The following COX16 variants were observed in gnomAD, a reference collection of about 807,000 sequenced individuals.
COX16 encodes the protein cytochrome c oxidase assembly factor COX16.
Under a neutral mutation model 15.4 loss-of-function variants are expected in COX16, and 12 were observed. That is an observed-to-expected ratio of 0.78 (90% confidence interval 0.50 to 1.26). The LOEUF (loss-of-function observed/expected upper bound fraction) is 1.26. Among genes scored for constraint, COX16 ranks in the 50% most tolerant of loss-of-function variants. The pLI, the probability that COX16 is intolerant of heterozygous loss-of-function variation, is 0.00. For missense variants in COX16, 124 were observed against 127.6 expected (o/e 0.97, Z 0.14); for synonymous variants, 46 against 41.1 (o/e 1.12, Z -0.46).
At chr14:70,344,994 CT>C (rs1301613094) in intron 1 of COX16, among the ~76,000 whole-genome samples, 2 of 150,822 alleles carry the variant, frequency 1.3e-5, no homozygotes, top group Non-Finnish European at 2.9e-5. Flanking sequence ...CTCATGTTGT[CT>C]GTTGGTGCGC....
At chr14:70,345,761 A>G (rs1322159299) in intron 1 of COX16, among the ~76,000 whole-genome samples, 2 of 151,574 alleles carry the variant, frequency 1.3e-5, no homozygotes, top group Admixed American at 6.6e-5. Context: ...TACCTGTTCA[A>G]ATCCTTCCCC....
intron 1 of COX16, among the ~76,000 whole-genome samples, chr14:70,343,474 C>T (rs1428277828): frequency 6.6e-6 from 1 of 152,052 alleles, no homozygotes; most frequent in Admixed American, 6.6e-5. Flanking sequence ...CCATTTTTTC[C>T]TTCAAGACCA....
At chr14:70,358,342 T>C (rs1432663214) in intron 1 of COX16, among the ~76,000 whole-genome samples, 1 of 151,124 alleles carries the variant, frequency 6.6e-6, no homozygotes, top group Non-Finnish European at 1.5e-5. Context: ...TATATTAGTA[T>C]ACTAATATCG....
chr14:70,348,853 G>A (rs1406735170), intron 1 of COX16, among the ~76,000 whole-genome samples: 1 of 152,150 alleles, frequency 6.6e-6, no homozygotes, highest in African/African-American at 2.4e-5. Context: ...TTCATTGCAG[G>A]GGCCACCAAA....
chr14:70,347,943 G>A (rs535962722), intron 1 of COX16, among the ~76,000 whole-genome samples: 3 of 152,158 alleles, frequency 2.0e-5, no homozygotes, highest in African/African-American at 7.2e-5. Flanking sequence ...TTCAAACCCT[G>A]CATAGCCTAT....
At chr14:70,336,486 T>C (rs1886459838) in intron 2 of COX16, among the ~76,000 whole-genome samples, 1 of 152,194 alleles carries the variant, frequency 6.6e-6, no homozygotes, top group South Asian at 2.1e-4. Context: ...GGTTTCTGTA[T>C]TGTGTTTCAC....
At chr14:70,345,290 G>A (rs988426487) in intron 1 of COX16, among the ~76,000 whole-genome samples, 7 of 152,306 alleles carry the variant, frequency 4.6e-5, no homozygotes, top group South Asian at 2.1e-4. Flanking sequence ...AGAAGGCGCC[G>A]GCGTGTGCCA....
At chr14:70,330,439 A>G (rs1886246385) in intron 2 of COX16, among the ~76,000 whole-genome samples, 1 of 151,142 alleles carries the variant, frequency 6.6e-6, no homozygotes, top group African/African-American at 2.5e-5. Context: ...GAATTCTCCC[A>G]AGGAAGAAAT....
intron 1 of COX16, among the ~76,000 whole-genome samples, chr14:70,356,592 T>C (rs1463104065): frequency 6.6e-6 from 1 of 152,090 alleles, no homozygotes; most frequent in African/African-American, 2.4e-5. Flanking sequence ...CTGACAAAGA[T>C]GACGAAGACC....
intron 1 of COX16, among the ~76,000 whole-genome samples, chr14:70,343,625 A>G (rs1405781496): frequency 6.6e-6 from 1 of 152,244 alleles, no homozygotes; most frequent in Admixed American, 6.5e-5. Flanking sequence ...ATATGGCTAT[A>G]CAGGTCACAG....
chr14:70,329,381 TA>T (rs1886205916), intron 2 of COX16, 145 bp from the exon 3 acceptor site: 1 of 599,814 alleles, frequency 1.7e-6, no homozygotes, highest in Non-Finnish European at 2.8e-6. Flanking sequence ...TCTGATCACA[TA>T]ATGATAACTA....
At chr14:70,329,029 CTTT>C (rs1274684571) in intron 3 of COX16, 142 bp downstream of exon 3, 5 of 614,086 alleles carry the variant, frequency 8.1e-6, no homozygotes, top group Non-Finnish European at 2.4e-6. Flanking sequence ...ATGGATCCAT[CTTT>C]TTATTTGCTT....
At chr14:70,354,841 CGTGT>C (rs55646280) in intron 1 of COX16, among the ~76,000 whole-genome samples, 10 of 148,982 alleles carry the variant, frequency 6.7e-5, no homozygotes, top group African/African-American at 1.2e-4. Flanking sequence ...TGTGTGTGTG[CGTGT>C]GTGTGTGTGT....
intron 1 of COX16, among the ~76,000 whole-genome samples, chr14:70,344,032 G>A (rs1367072870): frequency 6.6e-6 from 1 of 152,188 alleles, no homozygotes; most frequent in African/African-American, 2.4e-5. Flanking sequence ...GGGGCAAAGT[G>A]AGCTTTCCTT....
chr14:70,352,922 C>T (rs1327940259), intron 1 of COX16, among the ~76,000 whole-genome samples: 1 of 152,092 alleles, frequency 6.6e-6, no homozygotes, highest in East Asian at 1.9e-4. Flanking sequence ...CCACACTTCT[C>T]AGTATGTGGT....
chr14:70,336,251 G>T (rs977077165), intron 2 of COX16, among the ~76,000 whole-genome samples: 2 of 144,594 alleles, frequency 1.4e-5, no homozygotes, highest in African/African-American at 5.0e-5. Flanking sequence ...GTGAGACTTC[G>T]TCTCAAAAAA....
intron 1 of COX16, among the ~76,000 whole-genome samples, chr14:70,345,846 T>C (rs936755591): frequency 7.9e-5 from 12 of 152,062 alleles, no homozygotes; most frequent in Admixed American, 5.9e-4. Context: ...AACTGACTGC[T>C]ATCCACCCCT....
rs191681391 is a variant in COX16 at position 70,351,573 on chromosome 14, T to A, written c.69+7946A>T. On this transcript the variant is annotated intron_variant, in intron 1 of 3. Coordinates refer to ENST00000389912, the MANE Select transcript of COX16 (RefSeq NM_016468.7). ...ATCTATATATAATAACTAAATTCTA[T>A]AATTAAGCCTTTTCTGTTTTTGAAT... Among the ~76,000 whole-genome samples, 303 of 152,332 alleles carry A rather than the reference T, an allele frequency of 2.0e-3. No homozygotes were observed. In the Middle Eastern group the frequency reaches 0.02, roughly 10 times the overall value.
intron 1 of COX16, among the ~76,000 whole-genome samples, chr14:70,357,157 TCAA>T (rs1481135348): frequency 8.8e-5 from 3 of 33,962 alleles, no homozygotes; most frequent in Non-Finnish European, 2.0e-4. Context: ...GAAGCGTTTG[TCAA>T]AAAAAAAAAA....
Sources: gnomAD v4.1 joint callset for allele counts (sites outside exome capture counted in the v4.1 genomes callset) on GRCh38, gnomAD v4.1.1 for gene constraint, MANE v1.5 for transcripts, NCBI Gene and HGNC (gene_info 2026-07-23, HGNC 2026-07-21) for gene names.